Variants in ARHGEF10L observed in about 807,000 individuals in gnomAD.
ARHGEF10L encodes rho guanine nucleotide exchange factor 10-like protein.
ARHGEF10L carries 69 observed loss-of-function variants against 141.2 expected under a neutral mutation model. That is an observed-to-expected ratio of 0.49 (90% CI 0.40 to 0.60). ARHGEF10L has a LOEUF of 0.60. Among genes scored for constraint, ARHGEF10L ranks in the 20% least tolerant of loss-of-function variants. The pLI, the probability that ARHGEF10L is intolerant of heterozygous loss-of-function variation, is 0.00. For synonymous variants in ARHGEF10L, 711 were observed against 718.5 expected, an observed-to-expected ratio of 0.99 and a Z score of 0.17; for missense variants, 1,482 against 1,734.3, an observed-to-expected ratio of 0.85 and a Z score of 2.58.
At chr1:17,687,058 A>G (rs751977546) in intron 26 of ARHGEF10L, among the ~76,000 whole-genome samples, 10 of 151,968 alleles carry the variant, frequency 6.6e-5, no homozygotes, top group African/African-American at 9.7e-5. Context: ...GCTGTGAATG[A>G]TGAGGATTTG....
intron 22 of ARHGEF10L, among the ~76,000 whole-genome samples, chr1:17,651,284 T>TG (rs1244180136): frequency 6.6e-6 from 1 of 152,064 alleles, no homozygotes; most frequent in Non-Finnish European, 1.5e-5. Flanking sequence ...GGGGATGTGT[T>TG]GGGGTGGGAC....
chr1:17,657,220 T>TCAGGAGGG (rs538882022), intron 25 of ARHGEF10L, among the ~76,000 whole-genome samples: 1 of 152,132 alleles, frequency 6.6e-6, no homozygotes, highest in Non-Finnish European at 1.5e-5. Flanking sequence ...GGTTACGATG[T>TCAGGAGGG]CAGGAGGGCA....
In ARHGEF10L at chr1:17,632,314, C is replaced by T; in HGVS notation, c.1585-7C>T. 1.2e-6 allele frequency: 2 copies of T among 1,613,816 alleles called. No individual in the cohort carries two copies. The highest frequency in any genetic ancestry group is 8.5e-7 in the Non-Finnish European group (1 of 1,180,020). On this transcript the variant is annotated splice_polypyrimidine_tract_variant and splice_region_variant and intron_variant, in intron 15 of 28. Transcript: ENST00000361221. ...GCTGATGCTGACCTTCCCTGCCCCT[C>T]CTCCAGCTGTTGACCTCAGGCCAGC...
At chr1:17,595,564 T>C (rs1229258154) in intron 4 of ARHGEF10L, among the ~76,000 whole-genome samples, 3 of 152,194 alleles carry the variant, frequency 2.0e-5, no homozygotes, top group African/African-American at 7.2e-5. Context: ...GGGGGGCTTC[T>C]CACTGCTCTC....
intron 26 of ARHGEF10L, among the ~76,000 whole-genome samples, chr1:17,671,188 T>C (rs2063299752): frequency 6.6e-6 from 1 of 152,218 alleles, no homozygotes; most frequent in Non-Finnish European, 1.5e-5. Flanking sequence ...CGGAGCCGCC[T>C]GTGCAGGGCG....
intron 15 of ARHGEF10L, among the ~76,000 whole-genome samples, chr1:17,631,789 C>T (rs1055032195): frequency 1.1e-4 from 17 of 152,232 alleles, no homozygotes; most frequent in African/African-American, 3.9e-4. Flanking sequence ...CCTGTGTTTT[C>T]GTTTTGCACT....
chr1:17,537,854 C>CA (rs10611023), upstream of ARHGEF10L, among the ~76,000 whole-genome samples: 5,167 of 79,842 alleles, frequency 0.065, 170 homozygotes, highest in Non-Finnish European at 0.091. Flanking sequence ...ACCATCTCTA[C>CA]AAAAAAAAAA....
the ARHGEF10L span, among the ~76,000 whole-genome samples, chr1:17,519,259 AT>A: frequency 4.0e-5 from 6 of 151,868 alleles, no homozygotes; most frequent in African/African-American, 1.5e-4. Flanking sequence ...ACACAGTCTC[AT>A]TTAATTCTCA....
chr1:17,543,775 G>A (rs546011237), intron 1 of ARHGEF10L, among the ~76,000 whole-genome samples: 12 of 150,636 alleles, frequency 8.0e-5, no homozygotes, highest in Non-Finnish European at 1.2e-4. Flanking sequence ...AGCCCCCTCA[G>A]TAGCTGGAAT....
chr1:17,587,708 G>C, intron 3 of ARHGEF10L, 63 bp downstream of exon 3: 1 of 1,509,294 alleles, frequency 6.6e-7, no homozygotes, highest in Admixed American at 2.1e-5. Context: ...CTGGGCGGAA[G>C]CTCCAGGCTC....
rs535351527 is a variant in ARHGEF10L at position 17,625,517 on chromosome 1, G to A, written c.1318-439G>A. On this transcript the variant is annotated intron_variant, in intron 13 of 28. Transcript: ENST00000361221. The surrounding 1 kb of genome is among the most constrained non-coding windows in gnomAD (Gnocchi z 4.5). Reference sequence around the variant, plus strand: ...GTGGGATTGCAGCATATGGGGGCCAGGACCAGGTAACAGGTGTGTGGATGG... The same window carrying A: ...GTGGGATTGCAGCATATGGGGGCCAAGACCAGGTAACAGGTGTGTGGATGG... Among the ~76,000 whole-genome samples, 1 of 152,302 alleles carries A rather than the reference G, an allele frequency of 6.6e-6. No individual in the cohort carries two copies. Among genetic ancestry groups the A allele is most frequent in the South Asian group, 2.1e-4 (1 of 4,828 alleles).
At chr1:17,523,932 T>G in the ARHGEF10L span, among the ~76,000 whole-genome samples, 1 of 152,170 alleles carries the variant, frequency 6.6e-6, no homozygotes, top group African/African-American at 2.4e-5. Context: ...AAGCCATGTC[T>G]GCAGTCTCTT....
At position 17,657,659 on chromosome 1, in the gene ARHGEF10L, C is replaced by T. The variant is rs547352309; in HGVS notation, c.2860+951C>T. ...GCACTGTGTTGGTATTTTTAATTAG[C>T]TTTTGATAAGGCATTTATAGTTTTT... On this transcript the variant is annotated intron_variant, in intron 25 of 28. Transcript: ENST00000361221. Among the ~76,000 whole-genome samples the T allele has an allele frequency of 1.1e-4, 17 of 151,924 alleles. No homozygotes were observed. The South Asian group carries it at 3.5e-3, about 32-fold the overall frequency.
chr1:17,638,478 G>T lies in ARHGEF10L; in HGVS notation c.2044-84G>T, dbSNP rs531655363. 9.5e-6 allele frequency: 15 copies of T among 1,572,738 alleles called. No individual in the cohort carries two copies. The South Asian group carries it at 1.7e-4, about 18-fold the overall frequency. On this transcript the variant is annotated intron_variant, in intron 19 of 28. Transcript: ENST00000361221. ...CTTCTTCAGTTTCTCTTCCTCTGGG[G>T]TGCTGTGATTCCTATAGGATCTGGT...
In ARHGEF10L at chr1:17,656,566, C is replaced by T. The variant is rs777379365; in HGVS notation, c.2718C>T (p.Tyr906=). The T allele has an allele frequency of 1.9e-6, 3 of 1,612,672 alleles. No homozygotes were observed. Among genetic ancestry groups the T allele is most frequent in the African/African-American group, 2.7e-5 (2 of 74,916 alleles). ...LGLQDGSILL[Y]SSVDTGTQCL... is the part of the protein sequence containing the mutation. Reference sequence around the variant, plus strand: ...CCTCTCCCCGCAGCATCCTCCTCTACAGCAGTGTGGACACTGGCACCCAGT... The same window carrying T: ...CCTCTCCCCGCAGCATCCTCCTCTATAGCAGTGTGGACACTGGCACCCAGT... Residue 906 remains tyrosine, a synonymous_variant, in exon 25 of 29, where the codon TAC becomes TAT. Coordinates refer to ENST00000361221, the MANE Select transcript of ARHGEF10L (RefSeq NM_018125.4). This position sits in a 1 kb window ranked among gnomAD's most constrained non-coding sequence, Gnocchi z 4.9.
Position 17,664,547 on chromosome 1 carries a change from C to T in ARHGEF10L, c.2961C>T (p.Ser987=). The T allele has an allele frequency of 1.2e-6, 2 of 1,607,434 alleles. No individual in the cohort carries two copies. The highest frequency in any genetic ancestry group is 1.7e-6 in the Non-Finnish European group (2 of 1,179,000). Residue 987 remains serine, a synonymous_variant, in exon 26 of 29, where the codon AGC becomes AGT. Transcript: ENST00000361221. ...LLSLEDAVWA[S]CGPRVTVLEA... ...GCCTGGAGGATGCCGTGTGGGCCAGCTGTGGGCCCCGGGTCACTGTCCTGG... is the reference window on the plus strand; with the variant it reads ...GCCTGGAGGATGCCGTGTGGGCCAGTTGTGGGCCCCGGGTCACTGTCCTGG...
intron 9 of ARHGEF10L, chr1:17,618,189 C>A (rs1300676039): frequency 2.6e-6 from 2 of 783,206 alleles, no homozygotes; most frequent in Non-Finnish European, 3.9e-6. Flanking sequence ...CGTGGCCAGG[C>A]CAGCTGGCTG....
At chr1:17,599,526 T>C (rs1405700494) in intron 4 of ARHGEF10L, among the ~76,000 whole-genome samples, 1 of 152,170 alleles carries the variant, frequency 6.6e-6, no homozygotes, top group Non-Finnish European at 1.5e-5. Flanking sequence ...TGGTTCTGTC[T>C]GAGCAATTCC....
intron 28 of ARHGEF10L, among the ~76,000 whole-genome samples, chr1:17,695,673 A>G (rs1045080796): frequency 6.6e-6 from 1 of 152,202 alleles, no homozygotes; most frequent in African/African-American, 2.4e-5. Flanking sequence ...GTGCAAATGA[A>G]TGTGTTCACA....
Sources: allele counts gnomAD v4.1 joint callset (sites outside exome capture counted in the v4.1 genomes callset), GRCh38; gene constraint gnomAD v4.1.1; non-coding constraint Gnocchi (gnomAD v3.1); transcripts MANE v1.5; gene names NCBI Gene and HGNC (gene_info 2026-07-23, HGNC 2026-07-21).